The following TUT7 variants were observed in gnomAD, a reference collection of about 807,000 sequenced individuals.
The protein encoded by TUT7 is terminal uridylyl transferase 7, also known as terminal uridylyltransferase 7.
Under a neutral mutation model 165.9 loss-of-function variants are expected in TUT7, and 33 were observed. The observed-to-expected ratio is 0.20, with a 90% CI of 0.15 to 0.27. TUT7 has a LOEUF of 0.27. Among genes scored for constraint, TUT7 ranks in the 10% least tolerant of loss-of-function variants. The pLI is 1.00. For missense variants in TUT7, 1,338 were observed against 1,762.3 expected, an observed-to-expected ratio of 0.76 and a Z score of 4.31; for synonymous variants, 552 against 608.1, an observed-to-expected ratio of 0.91 and a Z score of 1.36.
intron 26 of TUT7, among the ~76,000 whole-genome samples, chr9:86,293,719 C>T (rs1249544575): frequency 5.3e-5 from 8 of 152,040 alleles, no homozygotes; most frequent in African/African-American, 9.7e-5. Context: ...GACAAATATG[C>T]GACTATTCAT....
rs763069281 is a variant in TUT7, at chr9:86,323,265, G to A, written c.2485C>T (p.His829Tyr). Residue 829 changes from histidine to tyrosine, a missense_variant, in exon 13 of 27, where the codon CAC becomes TAC. Coordinates refer to ENST00000375963, the MANE Select transcript of TUT7 (RefSeq NM_024617.4). ...TGGCCCTGTACTGAGTGGGTAAAGT[G>A]GTTTAGAGAGTCTTCTAGTTCCTCA... Reference protein sequence around the residue: ...GTEELEDSLNHFTHSVQGQTS... With the variant: ...GTEELEDSLNYFTHSVQGQTS... 6.2e-7 allele frequency: 1 copy of A among 1,614,092 alleles called. No homozygotes were observed. The highest frequency in any genetic ancestry group is 8.5e-7 in the Non-Finnish European group (1 of 1,180,032).
At chr9:86,306,570 G>A (rs1278854971) in intron 22 of TUT7, among the ~76,000 whole-genome samples, 2 of 152,202 alleles carry the variant, frequency 1.3e-5, no homozygotes, top group African/African-American at 4.8e-5. Flanking sequence ...ACTTTGGGAG[G>A]CTGAGGTGGG....
rs748659895 is a variant in TUT7 at position 86,309,622 on chromosome 9, C to T, written c.3469-46G>A. 4.9e-6 allele frequency: 7 copies of T among 1,437,598 alleles called. No homozygotes were observed. In the East Asian group the frequency reaches 1.4e-4, roughly 28 times the overall value. 89.1% of individuals were successfully genotyped at this position (1,437,598 alleles called of 1,614,324 possible). A position where few individuals can be genotyped will look rare whatever the true frequency, so the allele number is the denominator to read the frequency against. Reference sequence around the variant, plus strand: ...GAACAAAGGAAAGGTCTGTTTTCTGCTAACTTTGCATCCATTCTGTTATCA... The same window carrying T: ...GAACAAAGGAAAGGTCTGTTTTCTGTTAACTTTGCATCCATTCTGTTATCA... On this transcript the variant is annotated intron_variant, in intron 19 of 26. Transcript: ENST00000375963.
chr9:86,328,312 T>C (rs957278503), intron 11 of TUT7, 28 bp downstream of exon 11: 2 of 1,532,684 alleles, frequency 1.3e-6, no homozygotes, highest in African/African-American at 1.4e-5. Flanking sequence ...CAAGTGAAAC[T>C]GACAACTAGA....
At chr9:86,353,689 GTAC>G in intron 1 of TUT7, among the ~76,000 whole-genome samples, 1 of 152,256 alleles carries the variant, frequency 6.6e-6, no homozygotes, top group East Asian at 1.9e-4. Context: ...CGTGAAAGGA[GTAC>G]TACATTTCTC....
Position 86,319,067 on chromosome 9 carries a change from GAT to G in TUT7, c.3116-11_3116-10del. 1 of 1,598,438 alleles carries G rather than the reference GAT, an allele frequency of 6.3e-7. No individual in the cohort carries two copies. Among genetic ancestry groups the G allele is most frequent in the Non-Finnish European group, 8.6e-7 (1 of 1,169,470 alleles). ...CAGGCTCAATTTAGTTCCTGTTAGG[GAT>G]ATATGAAAAGTAATAACTAATTACC... On this transcript the variant is annotated splice_polypyrimidine_tract_variant and intron_variant, in intron 15 of 26. Coordinates refer to ENST00000375963, the MANE Select transcript of TUT7 (RefSeq NM_024617.4).
In TUT7 at chr9:86,323,668, T is replaced by C; in HGVS notation, c.2082A>G (p.Pro694=). ...TTTCAGCAGTCTCTTTAAGAGTAAGTGGCTGTACCTTACAGGTATTTGCAG... is the reference window on the plus strand; with the variant it reads ...TTTCAGCAGTCTCTTTAAGAGTAAGCGGCTGTACCTTACAGGTATTTGCAG... ...SSAANTCKVQ[P]LTLKETAESF... The change falls in exon 13 of 27, where the codon CCA becomes CCG. Residue 694 remains proline (P), a synonymous_variant. Transcript: ENST00000375963. 6.2e-7 allele frequency: 1 copy of C among 1,614,250 alleles called. No homozygotes were observed.
chr9:86,325,581 C>A, intron 11 of TUT7, 67 bp from the exon 12 acceptor site: 2 of 1,434,200 alleles, frequency 1.4e-6, no homozygotes, highest in Non-Finnish European at 1.9e-6. Context: ...AATTAAAGAT[C>A]ATTTAAGCAT....
At chr9:86,354,065 C>T (rs888916241) in intron 1 of TUT7, among the ~76,000 whole-genome samples, 1 of 152,244 alleles carries the variant, frequency 6.6e-6, no homozygotes, top group African/African-American at 2.4e-5. Flanking sequence ...AAGTGACCTG[C>T]TGTCTCCATG....
At chr9:86,305,155 A>G (rs756272010) in intron 23 of TUT7, 37 bp downstream of exon 23, 9 of 1,539,762 alleles carry the variant, frequency 5.8e-6, no homozygotes. Flanking sequence ...ATACATAAGT[A>G]AAATAAAAAA....
At chr9:86,338,237 A>G (rs1249087550) in intron 9 of TUT7, among the ~76,000 whole-genome samples, 1 of 145,488 alleles carries the variant, frequency 6.9e-6, no homozygotes, top group Non-Finnish European at 1.5e-5. Context: ...TTTGAGACAG[A>G]GTCTTGCTCT....
At position 86,323,744 on chromosome 9, in the gene TUT7, T is replaced by C. The variant is rs750535574; in HGVS notation, c.2006A>G (p.Asp669Gly). ...NHHPDVQTKDDKLKNSVLAQG... is the reference protein window; with the variant it reads ...NHHPDVQTKDGKLKNSVLAQG... ...GGCCAAAACTGAGTTTTTGAGCTTATCATCTTTTGTTTGTACATCTGGATG... is the reference window on the plus strand; with the variant it reads ...GGCCAAAACTGAGTTTTTGAGCTTACCATCTTTTGTTTGTACATCTGGATG... The change falls in exon 13 of 27, where the codon GAT (aspartate) becomes GGT (glycine). Residue 669 changes from aspartate to glycine, a missense_variant. Physicochemically the swap from Asp to Gly is moderately conservative, Grantham distance 94 (BLOSUM62 -1). Coordinates refer to ENST00000375963, the MANE Select transcript of TUT7 (RefSeq NM_024617.4). 10 of 1,613,650 alleles carry C rather than the reference T, an allele frequency of 6.2e-6. No homozygotes were observed. The Admixed American group carries it at 1.5e-4, about 24-fold the overall frequency.
At chr9:86,308,653 T>C (rs761242720) in intron 21 of TUT7, 47 bp from the exon 22 acceptor site, 2 of 1,438,284 alleles carry the variant, frequency 1.4e-6, no homozygotes, top group South Asian at 1.4e-5. Flanking sequence ...TAGTGAAGTG[T>C]TAATATCAAT....
At chr9:86,345,254 C>G (rs1179754738) in intron 4 of TUT7, 100 bp from the exon 5 acceptor site, 35 of 1,124,716 alleles carry the variant, frequency 3.1e-5, no homozygotes, top group Non-Finnish European at 4.3e-5. Context: ...TTTTTCTTAG[C>G]CCTCCCTTCT....
At chr9:86,344,910 C>A in intron 5 of TUT7, 67 bp downstream of exon 5, 2 of 1,338,266 alleles carry the variant, frequency 1.5e-6, no homozygotes, top group Non-Finnish European at 1.0e-6. Context: ...ATGAAAATTA[C>A]TATTGGTAGG....
At chr9:86,302,433 A>T (rs1827013762) in intron 25 of TUT7, among the ~76,000 whole-genome samples, 1 of 152,194 alleles carries the variant, frequency 6.6e-6, no homozygotes, top group Admixed American at 6.5e-5. Flanking sequence ...ATCCTGAAGG[A>T]ACTCATTTGA....
At chr9:86,335,428 A>G (rs1830675487) in intron 10 of TUT7, among the ~76,000 whole-genome samples, 2 of 152,254 alleles carry the variant, frequency 1.3e-5, no homozygotes, top group African/African-American at 4.8e-5. Flanking sequence ...GATTGGGAAT[A>G]AAGGTTGGAG....
At chr9:86,289,312 C>T (rs560910360) in intron 26 of TUT7, among the ~76,000 whole-genome samples, 31 of 151,990 alleles carry the variant, frequency 2.0e-4, no homozygotes, top group South Asian at 8.3e-4. Flanking sequence ...AATAGATCAA[C>T]GAAAAAACTG....
chr9:86,298,414 A>G (rs572882139), intron 26 of TUT7, among the ~76,000 whole-genome samples: 2 of 152,224 alleles, frequency 1.3e-5, no homozygotes, highest in South Asian at 2.1e-4. Flanking sequence ...TTTTTTCCTT[A>G]CTTTGTGTGT....
Sources: gnomAD v4.1 joint callset for allele counts (sites outside exome capture counted in the v4.1 genomes callset) on GRCh38, gnomAD v4.1.1 for gene constraint, MANE v1.5 for transcripts, NCBI Gene and HGNC (gene_info 2026-07-23, HGNC 2026-07-21) for gene names.